Variants in NEGR1 observed in about 807,000 individuals in gnomAD.
NEGR1 encodes the protein neuronal growth regulator 1.
NEGR1 carries 10 observed loss-of-function variants against 40.9 expected under a neutral mutation model. That is an observed-to-expected ratio of 0.24 (90% CI 0.15 to 0.42). The LOEUF (loss-of-function observed/expected upper bound fraction) is 0.42, where lower values mean the gene tolerates loss of function less well. Among genes scored for constraint, NEGR1 ranks in the 10% least tolerant of loss-of-function variants. The pLI, the probability that NEGR1 is intolerant of heterozygous loss-of-function variation, is 1.00. For synonymous variants in NEGR1, 185 were observed against 166.8 expected (o/e 1.11, Z -0.84); for missense variants, 352 against 438.9 (o/e 0.80, Z 1.77).
chr1:71,846,383 CCACA>C (rs370237362), intron 2 of NEGR1, among the ~76,000 whole-genome samples: 219 of 130,648 alleles, frequency 1.7e-3, no homozygotes, highest in South Asian at 2.8e-3. Context: ...ACCCACCCAC[CCACA>C]CACACACACA....
chr1:71,610,227 T>C (rs527798793), intron 5 of NEGR1, among the ~76,000 whole-genome samples: 1 of 152,314 alleles, frequency 6.6e-6, no homozygotes, highest in Non-Finnish European at 1.5e-5. Context: ...ACTTCGAAAG[T>C]GGGAATTTCA....
At chr1:72,176,035 C>G (rs1652152152) in intron 1 of NEGR1, among the ~76,000 whole-genome samples, 1 of 152,106 alleles carries the variant, frequency 6.6e-6, no homozygotes, top group Admixed American at 6.6e-5. Flanking sequence ...CTGAATGACT[C>G]TTTTATGAAG....
intron 2 of NEGR1, among the ~76,000 whole-genome samples, chr1:71,789,089 TAA>T (rs1263493873): frequency 1.3e-5 from 2 of 152,120 alleles, no homozygotes; most frequent in African/African-American, 4.8e-5. Flanking sequence ...TGTAGCCGTC[TAA>T]ATAGACAAAT....
At chr1:71,563,956 G>A (rs540023759) in intron 6 of NEGR1, among the ~76,000 whole-genome samples, 16 of 150,468 alleles carry the variant, frequency 1.1e-4, no homozygotes, top group Non-Finnish European at 2.1e-4. Flanking sequence ...ACTGATCGGG[G>A]AGGAAAAAAA....
intron 1 of NEGR1, 31 bp downstream of exon 1, chr1:72,282,288 A>G: frequency 6.2e-7 from 1 of 1,611,952 alleles, no homozygotes; most frequent in East Asian, 2.2e-5. Context: ...ATAGACCGAA[A>G]CAAGTACGAA....
chr1:71,726,498 T>C (rs1398888736), intron 3 of NEGR1, among the ~76,000 whole-genome samples: 1 of 152,112 alleles, frequency 6.6e-6, no homozygotes, highest in South Asian at 2.1e-4. Context: ...AACTCAGACA[T>C]TGTCATCAGA....
chr1:71,960,704 C>T lies in NEGR1; in HGVS notation c.177-25393G>A, dbSNP rs1283203195. 6.6e-5 allele frequency among the ~76,000 whole-genome samples: 10 copies of T among 152,064 alleles called. No homozygotes were observed. In the East Asian group the frequency reaches 7.7e-4, roughly 12 times the overall value. On this transcript the variant is annotated intron_variant, in intron 1 of 6. Coordinates refer to ENST00000357731, the MANE Select transcript of NEGR1 (RefSeq NM_173808.3). ...CTCATTAGGAGGCTCAGAGTTAATCCGCAGGGCAAAACATTTGTTCCGTCA... is the reference window on the plus strand; with the variant it reads ...CTCATTAGGAGGCTCAGAGTTAATCTGCAGGGCAAAACATTTGTTCCGTCA...
At chr1:72,200,681 A>G (rs1034700496) in intron 1 of NEGR1, among the ~76,000 whole-genome samples, 5 of 151,972 alleles carry the variant, frequency 3.3e-5, no homozygotes, top group African/African-American at 1.2e-4. Flanking sequence ...TAAATATGAC[A>G]TGTAGATTTT....
At chr1:72,199,163 A>AGT (rs1474858467) in intron 1 of NEGR1, among the ~76,000 whole-genome samples, 3 of 151,178 alleles carry the variant, frequency 2.0e-5, no homozygotes, top group Non-Finnish European at 4.4e-5. Context: ...AGAGAGAGAG[A>AGT]GAGAGAGAGA....
At chr1:72,133,896 T>C (rs1364780381) in intron 1 of NEGR1, among the ~76,000 whole-genome samples, 2 of 151,924 alleles carry the variant, frequency 1.3e-5, no homozygotes, top group Admixed American at 6.6e-5. Context: ...AATGTTTGCA[T>C]ATTTCCAAAT....
chr1:72,120,576 T>G (rs1649761416), intron 1 of NEGR1, among the ~76,000 whole-genome samples: 1 of 151,938 alleles, frequency 6.6e-6, no homozygotes. Context: ...TAGTTACATA[T>G]GTATACATGT....
chr1:71,466,534 G>A (rs917283315), intron 6 of NEGR1, among the ~76,000 whole-genome samples: 1 of 152,068 alleles, frequency 6.6e-6, no homozygotes. Flanking sequence ...GCTGGGGAAT[G>A]GTGATCGAGA....
intron 1 of NEGR1, among the ~76,000 whole-genome samples, chr1:72,084,520 G>GT (rs1183099146): frequency 2.0e-5 from 3 of 151,782 alleles, no homozygotes; most frequent in South Asian, 2.1e-4. Flanking sequence ...CTTATTTTTT[G>GT]TTTTTTGCTA....
At chr1:72,139,447 T>G (rs977867271) in intron 1 of NEGR1, among the ~76,000 whole-genome samples, 1 of 152,010 alleles carries the variant, frequency 6.6e-6, no homozygotes, top group Non-Finnish European at 1.5e-5. Flanking sequence ...TCAAGAAATA[T>G]GTAGTAATAT....
rs143629975 is a variant in NEGR1 at position 71,617,214 on chromosome 1, C to T, written c.668-6068G>A. On this transcript the variant is annotated intron_variant, in intron 4 of 6. Transcript: ENST00000357731. Reference sequence around the variant, plus strand: ...TTGGTGAAGAGCTGATCCTGCCTACCACTAAGGATATTTGTCATGAACTTT... The same window carrying T: ...TTGGTGAAGAGCTGATCCTGCCTACTACTAAGGATATTTGTCATGAACTTT... 1.8e-3 allele frequency among the ~76,000 whole-genome samples: 271 copies of T among 152,274 alleles called. 1 individual carries two copies. In the South Asian group the frequency reaches 0.03, roughly 17 times the overall value.
chr1:71,764,196 G>A (rs760827733), intron 3 of NEGR1, among the ~76,000 whole-genome samples: 1 of 152,066 alleles, frequency 6.6e-6, no homozygotes, highest in Non-Finnish European at 1.5e-5. Flanking sequence ...ATAGAAATTT[G>A]TCAATTGAAT....
chr1:71,625,615 A>C (rs1450672875), intron 4 of NEGR1, among the ~76,000 whole-genome samples: 1 of 151,642 alleles, frequency 6.6e-6, no homozygotes, highest in Non-Finnish European at 1.5e-5. Context: ...TACTCCATGG[A>C]TACTGAGGGA....
intron 1 of NEGR1, among the ~76,000 whole-genome samples, chr1:72,009,877 T>C (rs1646641215): frequency 6.6e-6 from 1 of 151,938 alleles, no homozygotes; most frequent in South Asian, 2.1e-4. Flanking sequence ...AATAGCTAAA[T>C]ACAGGGGTCA....
At chr1:72,034,580 C>A (rs544750886) in intron 1 of NEGR1, among the ~76,000 whole-genome samples, 1 of 152,098 alleles carries the variant, frequency 6.6e-6, no homozygotes, top group African/African-American at 2.4e-5. Context: ...AAAAAAATAT[C>A]TTTTGTCCAT....
Sources: allele counts gnomAD v4.1 joint callset (sites outside exome capture counted in the v4.1 genomes callset), GRCh38; gene constraint gnomAD v4.1.1; transcripts MANE v1.5; gene names NCBI Gene and HGNC (gene_info 2026-07-23, HGNC 2026-07-21).